Variants in SLIT3 observed in about 807,000 individuals in gnomAD.
The protein encoded by SLIT3 is slit guidance ligand 3.
SLIT3 carries 68 observed loss-of-function variants against 184.0 expected under a neutral mutation model. The ratio of observed to expected loss-of-function variants is 0.37; its 90% CI spans 0.30 to 0.45. The LOEUF (loss-of-function observed/expected upper bound fraction) is 0.45. SLIT3 is among the 20% of genes least tolerant of loss of function. The pLI, the probability that SLIT3 is intolerant of heterozygous loss-of-function variation, is 1.00. For synonymous variants in SLIT3, 831 were observed against 828.6 expected (o/e 1.00, Z -0.05); for missense variants, 1,707 against 2,026.0 (o/e 0.84, Z 3.02).
chr5:169,015,103 CA>C (rs60081779), intron 4 of SLIT3, among the ~76,000 whole-genome samples: 4 of 145,684 alleles, frequency 2.7e-5, no homozygotes, highest in African/African-American at 7.5e-5. Context: ...ACTAACTGGA[CA>C]AAAAAAAAAC....
At chr5:169,190,654 T>TA (rs558754882) in intron 4 of SLIT3, among the ~76,000 whole-genome samples, 86 of 152,246 alleles carry the variant, frequency 5.6e-4, no homozygotes, top group African/African-American at 1.9e-3. Flanking sequence ...ATAAGACTAA[T>TA]AAAAAAAGTA....
At chr5:169,223,291 T>C (rs146294979) in intron 3 of SLIT3, among the ~76,000 whole-genome samples, 3 of 152,316 alleles carry the variant, frequency 2.0e-5, no homozygotes, top group African/African-American at 4.8e-5. Context: ...GGGGATGCTA[T>C]GACCTCTAGG....
intron 12 of SLIT3, among the ~76,000 whole-genome samples, chr5:168,776,068 A>C (rs1755736138): frequency 6.6e-6 from 1 of 152,234 alleles, no homozygotes; most frequent in South Asian, 2.1e-4. Flanking sequence ...TTTACTTTCG[A>C]GGCTGGTTCA....
chr5:168,864,633 C>T (rs1222328549), intron 5 of SLIT3, among the ~76,000 whole-genome samples: 2 of 152,202 alleles, frequency 1.3e-5, no homozygotes, highest in Non-Finnish European at 2.9e-5. Context: ...AGCACCCTTG[C>T]CAATTCAGCA....
At chr5:168,722,430 A>G (rs1018241442) in intron 22 of SLIT3, 103 bp from the exon 23 acceptor site, 11 of 970,954 alleles carry the variant, frequency 1.1e-5, no homozygotes, top group African/African-American at 3.2e-5. Context: ...TATCTTTTCA[A>G]TGTTGATATA....
intron 6 of SLIT3, among the ~76,000 whole-genome samples, chr5:168,824,318 G>A (rs987951480): frequency 6.6e-6 from 1 of 152,192 alleles, no homozygotes. Flanking sequence ...CATGAACGGA[G>A]CTCCTACGGT....
intron 1 of SLIT3, among the ~76,000 whole-genome samples, chr5:169,291,386 T>A (rs147502803): frequency 2.0e-5 from 3 of 152,324 alleles, no homozygotes; most frequent in Non-Finnish European, 4.4e-5. Flanking sequence ...AGTGGACACA[T>A]ACCATGGAGA....
At position 169,300,667 on chromosome 5, in the gene SLIT3, G is replaced by A. The variant is rs948426203; in HGVS notation, c.43C>T (p.Arg15Cys). Residue 15 changes from arginine (R) to cysteine (C), a missense_variant, in exon 1 of 36, where the codon CGC becomes TGC. By Grantham distance (180) the Arg-to-Cys change is radical. Transcript: ENST00000519560. This position sits in a 1 kb window ranked among gnomAD's most constrained non-coding sequence, Gnocchi z 4.1. ...WAGVGAAVRA[R>C]LALALALASV... ...GCCAGCGCCAAGGCCAGCGCCAGGC[G>A]GGCGCGCACGGCGGCGCCGACCCCT... The A allele has an allele frequency of 1.4e-6, 2 of 1,414,676 alleles. No individual in the cohort carries two copies. The highest frequency in any genetic ancestry group is 3.0e-5 in the African/African-American group (2 of 66,376). 87.6% of individuals were successfully genotyped at this position (1,414,676 alleles called of 1,614,324 possible).
chr5:169,073,819 T>C (rs1028883946), intron 4 of SLIT3, among the ~76,000 whole-genome samples: 2 of 152,148 alleles, frequency 1.3e-5, no homozygotes, highest in Non-Finnish European at 2.9e-5. Context: ...AGCAGATGCT[T>C]GCACCACACT....
At chr5:168,862,926 C>T (rs1308813421) in intron 5 of SLIT3, among the ~76,000 whole-genome samples, 1 of 152,262 alleles carries the variant, frequency 6.6e-6, no homozygotes, top group African/African-American at 2.4e-5. Flanking sequence ...CTGTCTGCCT[C>T]AGTCTCCCAA....
chr5:168,830,063 A>G (rs910564140), intron 6 of SLIT3, among the ~76,000 whole-genome samples: 2 of 152,216 alleles, frequency 1.3e-5, no homozygotes, highest in African/African-American at 4.8e-5. Context: ...ATCAGGGCCT[A>G]CTGCTGATGA....
At position 169,192,498 on chromosome 5, in the gene SLIT3, C is replaced by T. The variant is rs185480821; in HGVS notation, c.413+981G>A. Among the ~76,000 whole-genome samples the T allele has an allele frequency of 1.4e-3, 215 of 151,458 alleles. 1 individual carries two copies. Among genetic ancestry groups the T allele is most frequent in the African/African-American group, 5.0e-3 (207 of 41,308 alleles). On this transcript the variant is annotated intron_variant, in intron 4 of 35. Transcript: ENST00000519560. ...ATATATTCCTAATTCAGAACTCATT[C>T]GTAAGTGCACACACTGACATGTGTT...
intron 4 of SLIT3, among the ~76,000 whole-genome samples, chr5:168,889,454 A>C (rs1013266070): frequency 1.3e-5 from 2 of 152,204 alleles, no homozygotes; most frequent in Non-Finnish European, 2.9e-5. Flanking sequence ...GGACAAAAAA[A>C]CGCCAATTAT....
intron 4 of SLIT3, among the ~76,000 whole-genome samples, chr5:169,193,093 G>T (rs986461640): frequency 2.0e-5 from 3 of 152,146 alleles, no homozygotes; most frequent in African/African-American, 7.2e-5. Flanking sequence ...TGCCATGTTC[G>T]GTCCAAACCG....
chr5:169,212,318 G>A (rs1419428507), intron 3 of SLIT3, among the ~76,000 whole-genome samples: 2 of 152,146 alleles, frequency 1.3e-5, no homozygotes, highest in African/African-American at 4.8e-5. Flanking sequence ...CATTCTAACT[G>A]GCATGAGATG....
chr5:168,730,307 CTAGACAGATCATT>C, intron 20 of SLIT3, among the ~76,000 whole-genome samples: 1 of 152,106 alleles, frequency 6.6e-6, no homozygotes, highest in South Asian at 2.1e-4. Flanking sequence ...ACTGACAGCA[CTAGACAGATCATT>C]GAGACAGAAA....
chr5:169,186,154 A>G (rs534830891), intron 4 of SLIT3, among the ~76,000 whole-genome samples: 2 of 152,312 alleles, frequency 1.3e-5, no homozygotes, highest in East Asian at 1.9e-4. Flanking sequence ...CCTAATCCCA[A>G]TACCTCAGAA....
chr5:168,752,336 C>G (rs1282346038), intron 18 of SLIT3: 6 of 153,366 alleles, frequency 3.9e-5, no homozygotes, highest in African/African-American at 1.4e-4. Context: ...CAACAGCTAC[C>G]TCCCACTTAC....
At position 168,782,869 on chromosome 5, in the gene SLIT3, G is replaced by C. The variant is rs536613937; in HGVS notation, c.1151+3038C>G. On this transcript the variant is annotated intron_variant, in intron 12 of 35. Transcript: ENST00000519560. ...AACAATAAATGCGTGTTTATACAAT[G>C]AATGGCCGCAGGAACTGAACGTGTT... Among the ~76,000 whole-genome samples the C allele has an allele frequency of 5.3e-5, 8 of 152,324 alleles. No homozygotes were observed. In the South Asian group the frequency reaches 1.7e-3, roughly 32 times the overall value.
Sources: allele counts gnomAD v4.1 joint callset (sites outside exome capture counted in the v4.1 genomes callset), GRCh38; gene constraint gnomAD v4.1.1; non-coding constraint Gnocchi (gnomAD v3.1); transcripts MANE v1.5; gene names NCBI Gene and HGNC (gene_info 2026-07-23, HGNC 2026-07-21).